CRIM1: variants seen among roughly 807,000 people sequenced by gnomAD.
CRIM1 encodes cysteine-rich motor neuron 1 protein.
CRIM1 carries 32 observed loss-of-function variants against 116.4 expected under a neutral mutation model. The ratio of observed to expected loss-of-function variants is 0.27; its 90% CI spans 0.21 to 0.37. The LOEUF (loss-of-function observed/expected upper bound fraction) is 0.37. Ranked by LOEUF, CRIM1 falls within the 10% of genes least tolerant of loss-of-function variation. The pLI, the probability that CRIM1 is intolerant of heterozygous loss-of-function variation, is 1.00. For missense variants in CRIM1, 1,331 were observed against 1,354.8 expected, an observed-to-expected ratio of 0.98 and a Z score of 0.28; for synonymous variants, 590 against 509.2, an observed-to-expected ratio of 1.16 and a Z score of -2.13.
intron 1 of CRIM1, among the ~76,000 whole-genome samples, chr2:36,371,071 A>G (rs1201693851): frequency 1.3e-5 from 2 of 152,184 alleles, no homozygotes; most frequent in Non-Finnish European, 2.9e-5. Context: ...ATCTAGTGCA[A>G]CCAAAGACTT....
chr2:36,546,932 C>G (rs1469357535), intron 15 of CRIM1, 52 bp from the exon 16 acceptor site: 2 of 1,065,826 alleles, frequency 1.9e-6, no homozygotes, highest in Admixed American at 4.6e-5. Flanking sequence ...TTAAAATAAT[C>G]CTTAACAATT....
chr2:36,442,340 T>A (rs1367486428), intron 3 of CRIM1, among the ~76,000 whole-genome samples: 1 of 152,180 alleles, frequency 6.6e-6, no homozygotes, highest in African/African-American at 2.4e-5. Flanking sequence ...TGCCTCTGGC[T>A]AACTGTCACT....
At chr2:36,403,383 G>A (rs1262620206) in intron 2 of CRIM1, among the ~76,000 whole-genome samples, 4 of 152,184 alleles carry the variant, frequency 2.6e-5, no homozygotes, top group Admixed American at 6.5e-5. Context: ...AAAAATTGGC[G>A]TGTGATACTA....
chr2:36,449,604 C>A (rs759952279), intron 4 of CRIM1, among the ~76,000 whole-genome samples: 2 of 152,082 alleles, frequency 1.3e-5, no homozygotes, highest in Non-Finnish European at 2.9e-5. Context: ...GTTTTCCAGT[C>A]GAAGAAAGGA....
At chr2:36,524,046 C>T (rs1472137706) in intron 13 of CRIM1, among the ~76,000 whole-genome samples, 1 of 152,212 alleles carries the variant, frequency 6.6e-6, no homozygotes, top group Non-Finnish European at 1.5e-5. Context: ...TAGATTCTCT[C>T]TTTTAATAGG....
intron 15 of CRIM1, among the ~76,000 whole-genome samples, chr2:36,545,347 C>CT (rs1667246675): frequency 6.6e-6 from 1 of 152,070 alleles, no homozygotes; most frequent in Admixed American, 6.6e-5. Context: ...TCTGAGTGTG[C>CT]TTTAGCATTA....
intron 1 of CRIM1, among the ~76,000 whole-genome samples, chr2:36,377,779 C>T (rs539993521): frequency 6.6e-6 from 1 of 152,134 alleles, no homozygotes; most frequent in Non-Finnish European, 1.5e-5. Context: ...AAGTGATTTC[C>T]TTCTCTCTTA....
chr2:36,446,934 G>A (rs932323272), intron 4 of CRIM1, among the ~76,000 whole-genome samples: 1 of 152,182 alleles, frequency 6.6e-6, no homozygotes, highest in Non-Finnish European at 1.5e-5. Context: ...GTGCATAAGA[G>A]AATTTACAAC....
rs529394395 is a variant in CRIM1, at chr2:36,372,182, G to C, written c.331+15559G>C. On this transcript the variant is annotated intron_variant, in intron 1 of 16. Transcript: ENST00000280527. The stretch of plus-strand genomic sequence containing the variant: ...GCCAACAACCTGAGGGTGGAAGTGT[G>C]TGACTGGGAATAATTAAAATGCCTC... Among the ~76,000 whole-genome samples the C allele has an allele frequency of 1.3e-4, 20 of 152,276 alleles. No homozygotes were observed. In the South Asian group the frequency reaches 4.1e-3, roughly 32 times the overall value.
intron 7 of CRIM1, among the ~76,000 whole-genome samples, chr2:36,481,984 T>A (rs779063216): frequency 5.9e-5 from 9 of 152,226 alleles, no homozygotes; most frequent in Non-Finnish European, 1.2e-4. Context: ...GTCCACCTAC[T>A]GTCTCCTCGC....
At chr2:36,419,152 C>G (rs1394364376) in intron 2 of CRIM1, among the ~76,000 whole-genome samples, 1 of 152,168 alleles carries the variant, frequency 6.6e-6, no homozygotes, top group Admixed American at 6.6e-5. Flanking sequence ...GCTTCCTATT[C>G]AAGAGGGAGG....
Position 36,544,483 on chromosome 2 carries a change from G to C in CRIM1, c.2731G>C (p.Val911Leu). ...LWPTPSENDI[V>L]HLPRDMGHLQ... The stretch of plus-strand genomic sequence containing the variant: ...GCCCACGCCTAGTGAAAATGATATC[G>C]TCCATCTCCCTAGAGGTAAGCATTG... The change falls in exon 15 of 17, where the codon GTC (valine) becomes CTC (leucine). Residue 911 changes from valine to leucine, a missense_variant. Around this residue, in one of 3 missense-constraint regions of CRIM1, gnomAD observed 283 missense variants for 242.8 expected, o/e 1.17. Transcript: ENST00000280527. The C allele has an allele frequency of 7.3e-7, 1 of 1,375,682 alleles. No homozygotes were observed. The highest frequency in any genetic ancestry group is 9.5e-7 in the Non-Finnish European group (1 of 1,057,540). The allele number at this position is 1,375,682 out of a possible 1,614,324, so 85.2% of individuals were successfully genotyped here. A position where few individuals can be genotyped will look rare whatever the true frequency, so the allele number is the denominator to read the frequency against.
chr2:36,535,939 G>A (rs569246256), intron 13 of CRIM1, among the ~76,000 whole-genome samples: 4 of 152,284 alleles, frequency 2.6e-5, no homozygotes, highest in African/African-American at 7.2e-5. Context: ...CAAATACTAC[G>A]CTGTTTTATA....
intron 2 of CRIM1, among the ~76,000 whole-genome samples, chr2:36,433,387 G>A (rs959842886): frequency 6.6e-6 from 1 of 152,186 alleles, no homozygotes; most frequent in African/African-American, 2.4e-5. Flanking sequence ...CGGTGGGGCC[G>A]ATATATGCCT....
At chr2:36,453,501 A>G (rs1032153591) in intron 4 of CRIM1, among the ~76,000 whole-genome samples, 2 of 152,206 alleles carry the variant, frequency 1.3e-5, no homozygotes, top group African/African-American at 4.8e-5. Flanking sequence ...AGTACCTAGC[A>G]CGGGTAAGTA....
intron 13 of CRIM1, chr2:36,529,228 A>T (rs1665956955): frequency 2.1e-6 from 1 of 470,930 alleles, no homozygotes; most frequent in Non-Finnish European, 4.4e-6. Flanking sequence ...GGCCCACCTG[A>T]TAAGAACCCT....
chr2:36,377,393 T>C (rs1470820256), intron 1 of CRIM1, among the ~76,000 whole-genome samples: 4 of 152,202 alleles, frequency 2.6e-5, no homozygotes, highest in Non-Finnish European at 5.9e-5. Context: ...ATAAATTCCA[T>C]AGGGAGAAAT....
chr2:36,417,444 A>G (rs909234774), intron 2 of CRIM1, among the ~76,000 whole-genome samples: 15 of 152,192 alleles, frequency 9.9e-5, no homozygotes, highest in Non-Finnish European at 1.5e-4. Context: ...GGCCTGAAAT[A>G]TGAAATACTG....
At chr2:36,494,482 C>A (rs1015885766) in intron 7 of CRIM1, among the ~76,000 whole-genome samples, 1 of 152,090 alleles carries the variant, frequency 6.6e-6, no homozygotes, top group Non-Finnish European at 1.5e-5. Context: ...TATTTTCTTT[C>A]AAAATTTTGT....
Sources: allele counts gnomAD v4.1 joint callset (sites outside exome capture counted in the v4.1 genomes callset), GRCh38; gene constraint gnomAD v4.1.1; regional missense constraint gnomAD v4.1.1; transcripts MANE v1.5; gene names NCBI Gene and HGNC (gene_info 2026-07-23, HGNC 2026-07-21).